SRGAP1: variants seen among roughly 807,000 people sequenced by gnomAD.
The protein encoded by SRGAP1 is SLIT-ROBO Rho GTPase-activating protein 1.
SRGAP1 carries 43 observed loss-of-function variants against 121.9 expected under a neutral mutation model. The observed-to-expected ratio is 0.35, with a 90% CI of 0.28 to 0.46. The LOEUF (loss-of-function observed/expected upper bound fraction) is 0.46, where lower values mean the gene tolerates loss of function less well. Among genes scored for constraint, SRGAP1 ranks in the 20% least tolerant of loss-of-function variants. The probability of loss-of-function intolerance (pLI) is 1.00; values close to 1 mark genes in which losing one functional copy is unlikely to be tolerated. For synonymous variants in SRGAP1, 447 were observed against 485.4 expected (o/e 0.92, Z 1.04); for missense variants, 1,102 against 1,350.9 (o/e 0.82, Z 2.89).
chr12:64,115,517 T>G (rs2036504022), intron 17 of SRGAP1, among the ~76,000 whole-genome samples: 1 of 152,192 alleles, frequency 6.6e-6, no homozygotes, highest in South Asian at 2.1e-4. Flanking sequence ...CCTGGCACTT[T>G]GGGAGATCAA....
chr12:64,088,739 T>C (rs1277644502), intron 11 of SRGAP1, among the ~76,000 whole-genome samples: 1 of 152,192 alleles, frequency 6.6e-6, no homozygotes, highest in Non-Finnish European at 1.5e-5. Context: ...TACCGTACTA[T>C]AGAATCCTAC....
At chr12:63,979,037 C>T (rs1028892932) in intron 1 of SRGAP1, among the ~76,000 whole-genome samples, 1 of 133,186 alleles carries the variant, frequency 7.5e-6, no homozygotes, top group African/African-American at 2.9e-5. Context: ...GACCCTTTGA[C>T]CTTTTTTTTT....
At chr12:63,881,122 A>G (rs1320649423) in intron 1 of SRGAP1, among the ~76,000 whole-genome samples, 1 of 152,218 alleles carries the variant, frequency 6.6e-6, no homozygotes, top group African/African-American at 2.4e-5. Flanking sequence ...ACCTTACTGT[A>G]GTTGAAATTC....
At chr12:64,142,192 T>C (rs1241683573) in intron 21 of SRGAP1, 103 bp from the exon 22 acceptor site, 1 of 1,212,768 alleles carries the variant, frequency 8.2e-7, no homozygotes, top group Non-Finnish European at 1.2e-6. Context: ...AAGATATCCA[T>C]ACTCTGCTGG....
At chr12:64,094,792 A>C (rs2036121972) in intron 12 of SRGAP1, 140 bp from the exon 13 acceptor site, 1 of 748,220 alleles carries the variant, frequency 1.3e-6, no homozygotes, top group East Asian at 2.5e-5. Flanking sequence ...TTGAAACAGA[A>C]TTGCCTTAAA....
intron 1 of SRGAP1, among the ~76,000 whole-genome samples, chr12:63,846,367 C>T (rs1315733112): frequency 1.3e-5 from 2 of 152,208 alleles, no homozygotes; most frequent in East Asian, 1.9e-4. Context: ...ACCACCATTT[C>T]TCTGTGCAGT....
At chr12:64,002,017 A>T (rs1284230747) in intron 3 of SRGAP1, among the ~76,000 whole-genome samples, 1 of 152,196 alleles carries the variant, frequency 6.6e-6, no homozygotes, top group Non-Finnish European at 1.5e-5. Context: ...CCAGATTTTT[A>T]AAATTCCGTC....
At chr12:64,085,057 C>T (rs1034311908) in intron 10 of SRGAP1, among the ~76,000 whole-genome samples, 7 of 152,042 alleles carry the variant, frequency 4.6e-5, no homozygotes, top group Non-Finnish European at 1.0e-4. Context: ...AAAGGTGGTA[C>T]ATTATAGTGC....
chr12:63,860,234 C>T (rs1899399121), intron 1 of SRGAP1, among the ~76,000 whole-genome samples: 1 of 152,194 alleles, frequency 6.6e-6, no homozygotes, highest in Non-Finnish European at 1.5e-5. Flanking sequence ...TTGTCTCAAA[C>T]TCCTGAGCTC....
chr12:64,002,935 A>T (rs2033946576), intron 3 of SRGAP1, among the ~76,000 whole-genome samples: 1 of 151,990 alleles, frequency 6.6e-6, no homozygotes, highest in Non-Finnish European at 1.5e-5. Flanking sequence ...AACTTCCATG[A>T]GTAAAACAAT....
intron 1 of SRGAP1, among the ~76,000 whole-genome samples, chr12:63,891,752 C>T (rs112792106): frequency 4.0e-4 from 61 of 152,028 alleles, no homozygotes; most frequent in South Asian, 3.5e-3. Flanking sequence ...TTTGGGAGAC[C>T]GAGGTGGGAG....
intron 1 of SRGAP1, among the ~76,000 whole-genome samples, chr12:63,950,845 C>T (rs2032264362): frequency 6.6e-6 from 1 of 152,116 alleles, no homozygotes. Context: ...GTCTTCTCTT[C>T]TGGAAAAGCC....
At chr12:64,016,598 A>T (rs1187412759) in intron 3 of SRGAP1, among the ~76,000 whole-genome samples, 1 of 152,256 alleles carries the variant, frequency 6.6e-6, no homozygotes, top group Non-Finnish European at 1.5e-5. Flanking sequence ...TTTGGGAATC[A>T]CACTGTAAAA....
intron 4 of SRGAP1, among the ~76,000 whole-genome samples, chr12:64,023,472 G>C (rs2034593625): frequency 6.6e-6 from 1 of 152,080 alleles, no homozygotes; most frequent in Non-Finnish European, 1.5e-5. Context: ...GAAAAACCAT[G>C]ATTTGCCCTT....
At chr12:63,885,829 CATGGATGA>C in intron 1 of SRGAP1, among the ~76,000 whole-genome samples, 1 of 152,314 alleles carries the variant, frequency 6.6e-6, no homozygotes, top group East Asian at 1.9e-4. Context: ...AGCCAGGAAC[CATGGATGA>C]ATGCCTACAC....
intron 1 of SRGAP1, among the ~76,000 whole-genome samples, chr12:63,861,399 A>G (rs375926779): frequency 3.8e-4 from 58 of 151,466 alleles, no homozygotes; most frequent in African/African-American, 1.4e-3. Context: ...TCCCAGGATC[A>G]AGCGATTCTC....
At chr12:63,881,940 A>C (rs1366890167) in intron 1 of SRGAP1, among the ~76,000 whole-genome samples, 2 of 152,190 alleles carry the variant, frequency 1.3e-5, no homozygotes, top group Non-Finnish European at 2.9e-5. Flanking sequence ...ATAATAAACT[A>C]TAAAGTTTTA....
At chr12:63,973,235 T>G (rs1324289781) in intron 1 of SRGAP1, among the ~76,000 whole-genome samples, 1 of 152,234 alleles carries the variant, frequency 6.6e-6, no homozygotes, top group Non-Finnish European at 1.5e-5. Flanking sequence ...ATTGGATTAA[T>G]AGTTATACAT....
intron 6 of SRGAP1, among the ~76,000 whole-genome samples, chr12:64,044,674 C>CTTTTTTTTTGTTTTTT (rs2035090465): frequency 1.4e-5 from 1 of 72,118 alleles, no homozygotes; most frequent in Non-Finnish European, 2.9e-5. Flanking sequence ...TGATGTGCCT[C>CTTTTTTTTTGTTTTTT]TTTTTTTTTT....
Sources: gnomAD v4.1 joint callset for allele counts (sites outside exome capture counted in the v4.1 genomes callset) on GRCh38, gnomAD v4.1.1 for gene constraint, MANE v1.5 for transcripts, NCBI Gene and HGNC (gene_info 2026-07-23, HGNC 2026-07-21) for gene names.